CCDC77: variants seen among roughly 807,000 people sequenced by gnomAD.
The protein encoded by CCDC77 is coiled-coil domain containing 77.
CCDC77 carries 56 observed loss-of-function variants against 66.8 expected under a neutral mutation model. The ratio of observed to expected loss-of-function variants is 0.84; its 90% CI spans 0.68 to 1.05. CCDC77 has a LOEUF of 1.05. CCDC77 is among the 50% of genes least tolerant of loss of function. The pLI is 0.00. For missense variants in CCDC77, 570 were observed against 576.8 expected (o/e 0.99, Z 0.12); for synonymous variants, 196 against 195.2 (o/e 1.00, Z -0.03).
At chr12:435,377 T>G (rs1365731128) in intron 9 of CCDC77, among the ~76,000 whole-genome samples, 5 of 152,250 alleles carry the variant, frequency 3.3e-5, no homozygotes, top group African/African-American at 1.2e-4. Context: ...TCATCTAGTT[T>G]CATGGTATCA....
At chr12:424,187 T>G (rs557554546) in intron 5 of CCDC77, among the ~76,000 whole-genome samples, 4 of 152,108 alleles carry the variant, frequency 2.6e-5, no homozygotes, top group Non-Finnish European at 5.9e-5. Flanking sequence ...CCCAGGCTGG[T>G]CTCAAACTCC....
intron 10 of CCDC77, among the ~76,000 whole-genome samples, chr12:439,002 C>T (rs374581787): frequency 2.8e-4 from 43 of 151,942 alleles, no homozygotes; most frequent in Middle Eastern, 3.4e-3. Flanking sequence ...TGCTTGAACC[C>T]GGGAGGCAGA....
chr12:414,857 A>G (rs1945191589), intron 4 of CCDC77, among the ~76,000 whole-genome samples: 1 of 152,100 alleles, frequency 6.6e-6, no homozygotes, highest in African/African-American at 2.4e-5. Flanking sequence ...TTGCGTCTAA[A>G]CTGTGACGGT....
Position 411,836 on chromosome 12 carries a change from C to T in CCDC77, c.128C>T (p.Pro43Leu), listed in dbSNP as rs1034770408. ...MADSLESTPLPSPEDRLAKLH... is the reference protein window; with the variant it reads ...MADSLESTPLLSPEDRLAKLH... ...GATTCACTGGAGTCAACCCCCTTGCCTTCCCCCGAAGATCGTCTGGCCAAA... is the reference window on the plus strand; with the variant it reads ...GATTCACTGGAGTCAACCCCCTTGCTTTCCCCCGAAGATCGTCTGGCCAAA... The change falls in exon 4 of 13, where the codon CCT (proline) becomes CTT (leucine). Residue 43 changes from proline (P) to leucine (L), a missense_variant. Transcript: ENST00000239830. 3 of 1,613,904 alleles carry T rather than the reference C, an allele frequency of 1.9e-6. No individual in the cohort carries two copies. The highest frequency in any genetic ancestry group is 1.3e-5 in the African/African-American group (1 of 74,864).
chr12:411,420 T>G (rs1251982810), intron 3 of CCDC77, among the ~76,000 whole-genome samples: 1 of 152,112 alleles, frequency 6.6e-6, no homozygotes, highest in Non-Finnish European at 1.5e-5. Flanking sequence ...GCTCAGGCAA[T>G]CTGCCTGCTT....
rs138444922 is a variant in CCDC77 at position 418,603 on chromosome 12, G to T, written c.380G>T (p.Arg127Leu). 8 of 1,614,118 alleles carry T rather than the reference G, an allele frequency of 5.0e-6. No homozygotes were observed. In the East Asian group the frequency reaches 1.3e-4, roughly 27 times the overall value. Reference sequence around the variant, plus strand: ...TTCCAGGAACGGGAACATGTTTTACGCCTCTACTCAGAAAATGACCGACTG... The same window carrying T: ...TTCCAGGAACGGGAACATGTTTTACTCCTCTACTCAGAAAATGACCGACTG... ...CLFQEREHVL[R>L]LYSENDRLRI... Residue 127 changes from arginine to leucine, a missense_variant, in exon 5 of 13, where the codon CGC becomes CTC. Physicochemically the swap from Arg to Leu is moderately radical, Grantham distance 102. Transcript: ENST00000239830.
chr12:393,407 G>A (rs372013592), intron 1 of CCDC77, among the ~76,000 whole-genome samples: 9 of 152,056 alleles, frequency 5.9e-5, no homozygotes, highest in South Asian at 4.2e-4. Context: ...GCCACCATAC[G>A]TAGTGCAGAG....
chr12:439,569 A>G lies in CCDC77; in HGVS notation c.1041+1015A>G, dbSNP rs140991943. On this transcript the variant is annotated intron_variant, in intron 10 of 12. Coordinates refer to ENST00000239830, the MANE Select transcript of CCDC77 (RefSeq NM_032358.4). Reference sequence around the variant, plus strand: ...GCAGAGGTGGGTGGATCACGAGGTCAGGAGTTCGAGAGCAGCCTTGCCAGC... The same window carrying G: ...GCAGAGGTGGGTGGATCACGAGGTCGGGAGTTCGAGAGCAGCCTTGCCAGC... 6.2e-3 allele frequency among the ~76,000 whole-genome samples: 935 copies of G among 151,652 alleles called. 11 individuals are homozygous for G. Among genetic ancestry groups the G allele is most frequent in the African/African-American group, 0.021 (871 of 41,340 alleles).
chr12:409,255 ATTCT>A (rs1945059625), intron 2 of CCDC77, 109 bp from the exon 3 acceptor site: 1 of 741,048 alleles, frequency 1.3e-6, no homozygotes, highest in South Asian at 1.7e-5. Context: ...AAAACATCAG[ATTCT>A]TTCCAAGAAG....
intron 4 of CCDC77, among the ~76,000 whole-genome samples, chr12:414,933 A>G (rs924506777): frequency 6.6e-6 from 1 of 152,000 alleles, no homozygotes; most frequent in East Asian, 1.9e-4. Flanking sequence ...TTTTCACTCT[A>G]GCAGTACTGA....
At chr12:435,629 C>G (rs1312069482) in intron 9 of CCDC77, among the ~76,000 whole-genome samples, 1 of 152,224 alleles carries the variant, frequency 6.6e-6, no homozygotes, top group Admixed American at 6.5e-5. Context: ...TTGTCTTATT[C>G]CTAGGAATGG....
intron 5 of CCDC77, among the ~76,000 whole-genome samples, chr12:427,553 C>G (rs2137595229): frequency 6.7e-6 from 1 of 149,898 alleles, no homozygotes; most frequent in East Asian, 2.0e-4. Context: ...TGGCTCACTG[C>G]AAACTCCACC....
At chr12:413,403 A>G (rs1430447419) in intron 4 of CCDC77, among the ~76,000 whole-genome samples, 1 of 142,452 alleles carries the variant, frequency 7.0e-6, no homozygotes, top group Non-Finnish European at 1.5e-5. Flanking sequence ...TGCCCAGCTA[A>G]TTTTTTTGTA....
intron 1 of CCDC77, among the ~76,000 whole-genome samples, chr12:393,789 C>T (rs1297239925): frequency 6.6e-6 from 1 of 152,210 alleles, no homozygotes; most frequent in East Asian, 1.9e-4. Flanking sequence ...GCCTCGGCCT[C>T]CCAATGTGCT....
chr12:395,263 A>G (rs1156495215), intron 1 of CCDC77: 1 of 151,854 alleles, frequency 6.6e-6, no homozygotes, highest in African/African-American at 2.4e-5. Context: ...TTATTTTTCT[A>G]TTTTCTATAG....
intron 1 of CCDC77, chr12:389,571 C>CGAGGCGGAGCGAGGCGG (rs57308009): frequency 0.033 from 7,500 of 224,016 alleles, 763 homozygotes; most frequent in East Asian, 0.22. Flanking sequence ...GGGCGAGGCG[C>CGAGGCGGAGCGAGGCGG]AACGAGGCGG....
chr12:413,914 C>T lies in CCDC77; in HGVS notation c.270+1936C>T, dbSNP rs191613454. Among the ~76,000 whole-genome samples the T allele has an allele frequency of 1.3e-3, 196 of 151,794 alleles. 1 individual carries two copies. Among genetic ancestry groups the T allele is most frequent in the Admixed American group, 6.3e-3 (96 of 15,284 alleles). On this transcript the variant is annotated intron_variant, in intron 4 of 12. Coordinates refer to ENST00000239830, the MANE Select transcript of CCDC77 (RefSeq NM_032358.4). ...AAGTGCTGGGATTACAGGCGTGAGC[C>T]ACCGCGCCCAGCTGGGAAATGTCTT...
intron 5 of CCDC77, among the ~76,000 whole-genome samples, chr12:427,863 A>C (rs1945564738): frequency 6.6e-6 from 1 of 152,162 alleles, no homozygotes; most frequent in Admixed American, 6.5e-5. Context: ...TGTACAGTGG[A>C]GATTTGCTTG....
At position 428,809 on chromosome 12, in the gene CCDC77, C is replaced by T. The variant is rs754453910; in HGVS notation, c.454C>T (p.Leu152Phe). ...DKKKIQNLLA[L>F]VGTDAGEVTY... ...GAAAAAGATTCAGAATCTCTTGGCT[C>T]TTGTGGGAACAGATGCTGGAGAAGT... The change falls in exon 6 of 13, where the codon CTT (leucine) becomes TTT (phenylalanine). Residue 152 changes from leucine to phenylalanine, a missense_variant. Transcript: ENST00000239830. The T allele has an allele frequency of 1.9e-6, 3 of 1,612,874 alleles. 1 individual carries two copies. In the South Asian group the frequency reaches 3.3e-5, roughly 18 times the overall value.
Sources: allele counts gnomAD v4.1 joint callset (sites outside exome capture counted in the v4.1 genomes callset), GRCh38; gene constraint gnomAD v4.1.1; transcripts MANE v1.5; gene names NCBI Gene and HGNC (gene_info 2026-07-23, HGNC 2026-07-21).